Variants in DPYSL2 observed in about 807,000 individuals in gnomAD.
DPYSL2 encodes dihydropyrimidinase-related protein 2.
A neutral mutation model predicts 69.9 loss-of-function variants in DPYSL2; 13 were observed. The observed-to-expected ratio is 0.19, with a 90% CI of 0.12 to 0.30. The LOEUF is 0.30. Ranked by LOEUF, DPYSL2 falls within the 10% of genes least tolerant of loss-of-function variation. The pLI is 1.00. For missense variants in DPYSL2, 587 were observed against 918.9 expected (o/e 0.64, Z 4.67); for synonymous variants, 326 against 359.1 (o/e 0.91, Z 1.04).
chr8:26,632,825 C>A (rs1802809766), intron 7 of DPYSL2, among the ~76,000 whole-genome samples: 1 of 152,204 alleles, frequency 6.6e-6, no homozygotes, highest in African/African-American at 2.4e-5. Context: ...AGAGAGAGGG[C>A]TTCTCCTTCA....
intron 1 of DPYSL2, among the ~76,000 whole-genome samples, chr8:26,515,216 C>T (rs1244428734): frequency 1.3e-5 from 2 of 152,102 alleles, no homozygotes; most frequent in African/African-American, 2.4e-5. Flanking sequence ...ATGGTCAGCG[C>T]CCCCCGGACC....
chr8:26,535,762 C>T (rs1367253025), intron 1 of DPYSL2, among the ~76,000 whole-genome samples: 1 of 151,856 alleles, frequency 6.6e-6, no homozygotes, highest in African/African-American at 2.4e-5. Flanking sequence ...TTGAAATGAA[C>T]GTGCCAGGAC....
rs1460149108 is a variant in DPYSL2, at chr8:26,588,413, G to A, written c.628+4430G>A. ...GACTCTGTATTCGAATCTGGTGCTT[G>A]GGGAGCTTTTTGAAAGCATGACTTT... On this transcript the variant is annotated intron_variant, in intron 3 of 13. Transcript: ENST00000521913. The surrounding 1 kb of genome is among the most constrained non-coding windows in gnomAD (Gnocchi z 5.4). 6.6e-6 allele frequency among the ~76,000 whole-genome samples: 1 copy of A among 152,196 alleles called. No homozygotes were observed. The highest frequency in any genetic ancestry group is 1.5e-5 in the Non-Finnish European group (1 of 68,040).
At chr8:26,592,583 C>T (rs1801763600) in intron 3 of DPYSL2, among the ~76,000 whole-genome samples, 1 of 151,464 alleles carries the variant, frequency 6.6e-6, no homozygotes, top group Non-Finnish European at 1.5e-5. Context: ...ACAAGCCATT[C>T]TCCTGTCTCA....
rs1160686582 is a variant in DPYSL2 at position 26,571,805 on chromosome 8, T to C, written c.355-10164T>C. On this transcript the variant is annotated intron_variant, in intron 1 of 13. Coordinates refer to ENST00000521913, the MANE Select transcript of DPYSL2 (RefSeq NM_001197293.3). This position sits in a 1 kb window ranked among gnomAD's most constrained non-coding sequence, Gnocchi z 6.1. ...CATTTGTCACCACTGTCACTGCTGC[T>C]AAAAGGATGCAGCCACAGGGGAAGG... 6.6e-6 allele frequency among the ~76,000 whole-genome samples: 1 copy of C among 152,268 alleles called. No homozygotes were observed. The highest frequency in any genetic ancestry group is 1.9e-4 in the East Asian group (1 of 5,174).
intron 3 of DPYSL2, among the ~76,000 whole-genome samples, chr8:26,595,831 A>C (rs1475721251): frequency 2.0e-5 from 3 of 152,174 alleles, no homozygotes; most frequent in African/African-American, 4.8e-5. Context: ...TGTCAAACCA[A>C]GGGATAGTAT....
intron 1 of DPYSL2, among the ~76,000 whole-genome samples, chr8:26,524,405 T>G (rs1430092328): frequency 6.6e-6 from 1 of 152,168 alleles, no homozygotes; most frequent in Non-Finnish European, 1.5e-5. Flanking sequence ...GGTAAACAAA[T>G]TTTTAAAAAG....
chr8:26,637,364 C>T (rs944620281), intron 8 of DPYSL2, among the ~76,000 whole-genome samples: 1 of 152,204 alleles, frequency 6.6e-6, no homozygotes, highest in Admixed American at 6.5e-5. Flanking sequence ...TGGGAGGCAG[C>T]CCTGGCAGGA....
intron 1 of DPYSL2, among the ~76,000 whole-genome samples, chr8:26,577,669 C>T (rs1801383756): frequency 6.6e-6 from 1 of 150,936 alleles, no homozygotes; most frequent in African/African-American, 2.4e-5. Context: ...GCGCCTGGGG[C>T]CGCCGCCAAA....
At chr8:26,518,350 GA>G (rs1428381256) in intron 1 of DPYSL2, among the ~76,000 whole-genome samples, 1 of 152,138 alleles carries the variant, frequency 6.6e-6, no homozygotes, top group East Asian at 1.9e-4. Context: ...GGGGGTGGGG[GA>G]TAATTGGAGA....
At chr8:26,535,849 A>G (rs1388456535) in intron 1 of DPYSL2, among the ~76,000 whole-genome samples, 1 of 151,958 alleles carries the variant, frequency 6.6e-6, no homozygotes, top group Non-Finnish European at 1.5e-5. Flanking sequence ...AAGTATTGTT[A>G]CAAATTAATA....
In DPYSL2 at chr8:26,533,382, A is replaced by G. The variant is rs907111761; in HGVS notation, c.354+18703A>G. On this transcript the variant is annotated intron_variant, in intron 1 of 13. Coordinates refer to ENST00000521913, the MANE Select transcript of DPYSL2 (RefSeq NM_001197293.3). The surrounding 1 kb of genome is among the most constrained non-coding windows in gnomAD (Gnocchi z 4.8). ...TTTTAATTTTGACAAAGTGTAACTTATCTATCTTTTCTTTTGTTGCTTGTA... is the reference window on the plus strand; with the variant it reads ...TTTTAATTTTGACAAAGTGTAACTTGTCTATCTTTTCTTTTGTTGCTTGTA... 3.3e-5 allele frequency among the ~76,000 whole-genome samples: 5 copies of G among 152,160 alleles called. No individual in the cohort carries two copies. The highest frequency in any genetic ancestry group is 1.3e-4 in the Admixed American group (2 of 15,264).
Position 26,653,883 on chromosome 8 carries a change from A to G in DPYSL2, c.1942+486A>G, listed in dbSNP as rs1206326548. 6.6e-6 allele frequency among the ~76,000 whole-genome samples: 1 copy of G among 152,194 alleles called. No individual in the cohort carries two copies. Among genetic ancestry groups the G allele is most frequent in the Admixed American group, 6.5e-5 (1 of 15,280 alleles). Reference sequence around the variant, plus strand: ...GCTTGGCCTGGAGATGTATTTTCATAGTTAATGACTGGTTGGGTTTCAGAA... The same window carrying G: ...GCTTGGCCTGGAGATGTATTTTCATGGTTAATGACTGGTTGGGTTTCAGAA... On this transcript the variant is annotated intron_variant, in intron 13 of 13. Coordinates refer to ENST00000521913, the MANE Select transcript of DPYSL2 (RefSeq NM_001197293.3). This position sits in a 1 kb window ranked among gnomAD's most constrained non-coding sequence, Gnocchi z 5.7.
Position 26,644,902 on chromosome 8 carries a change from G to T in DPYSL2, c.1425+811G>T, listed in dbSNP as rs181834070. 1.3e-5 allele frequency among the ~76,000 whole-genome samples: 2 copies of T among 152,218 alleles called. No homozygotes were observed. The highest frequency in any genetic ancestry group is 2.9e-5 in the Non-Finnish European group (2 of 68,020). On this transcript the variant is annotated intron_variant, in intron 10 of 13. Transcript: ENST00000521913. This position sits in a 1 kb window ranked among gnomAD's most constrained non-coding sequence, Gnocchi z 4.5. ...TTTAATGTTTTAAAATATATTAACAGAATAGGTTTTCTGTTTTTTAGTGAA... is the reference window on the plus strand; with the variant it reads ...TTTAATGTTTTAAAATATATTAACATAATAGGTTTTCTGTTTTTTAGTGAA...
Position 26,604,695 on chromosome 8 carries a change from G to A in DPYSL2, c.629-19448G>A, listed in dbSNP as rs539718685. Among the ~76,000 whole-genome samples the A allele has an allele frequency of 7.3e-5, 11 of 150,966 alleles. No homozygotes were observed. In the East Asian group the frequency reaches 2.1e-3, roughly 29 times the overall value. On this transcript the variant is annotated intron_variant, in intron 3 of 13. Coordinates refer to ENST00000521913, the MANE Select transcript of DPYSL2 (RefSeq NM_001197293.3). ...TGAGACAAGAGTCTTGCTCTGTCAC[G>A]TAGGCTGGAGTGCATTGGTGCTATC... is the stretch of plus-strand genomic sequence containing the variant.
intron 1 of DPYSL2, among the ~76,000 whole-genome samples, chr8:26,544,190 C>G (rs1322246089): frequency 6.6e-6 from 1 of 152,164 alleles, no homozygotes; most frequent in African/African-American, 2.4e-5. Flanking sequence ...TCAGGACTTG[C>G]TTGTCCTTTA....
chr8:26,567,019 TCCACCCACCCATCCATCTATCCACCTAC>T (rs942993630), intron 1 of DPYSL2, among the ~76,000 whole-genome samples: 11 of 151,618 alleles, frequency 7.3e-5, no homozygotes, highest in African/African-American at 2.7e-4. Flanking sequence ...CCATTATTCA[TCCACCCACCCATCCATCTATCCACCTAC>T]CCACTCAGCC....
intron 3 of DPYSL2, among the ~76,000 whole-genome samples, chr8:26,592,928 CT>C (rs1801775840): frequency 2.0e-5 from 3 of 152,142 alleles, no homozygotes; most frequent in Non-Finnish European, 2.9e-5. Context: ...ACCTTTCTCT[CT>C]TCTTAAGAAG....
At chr8:26,529,694 C>T (rs1335434065) in intron 1 of DPYSL2, among the ~76,000 whole-genome samples, 1 of 151,424 alleles carries the variant, frequency 6.6e-6, no homozygotes, top group African/African-American at 2.4e-5. Flanking sequence ...CAAAACTGCC[C>T]ATCCAACTGC....
Sources: gnomAD v4.1 joint callset for allele counts (sites outside exome capture counted in the v4.1 genomes callset) on GRCh38, gnomAD v4.1.1 for gene constraint, Gnocchi (gnomAD v3.1) non-coding constraint, MANE v1.5 for transcripts, NCBI Gene and HGNC (gene_info 2026-07-23, HGNC 2026-07-21) for gene names.